The following PLEKHA7 variants were observed in gnomAD, a reference collection of about 807,000 sequenced individuals.
PLEKHA7 encodes the protein pleckstrin homology domain containing A7, also known as pleckstrin homology domain-containing family A member 7.
PLEKHA7 carries 104 observed loss-of-function variants against 170.0 expected under a neutral mutation model. That is an observed-to-expected ratio of 0.61 (90% CI 0.52 to 0.72). The LOEUF (loss-of-function observed/expected upper bound fraction) is 0.72, where lower values mean the gene tolerates loss of function less well. PLEKHA7 is among the 30% of genes least tolerant of loss of function. The pLI is 0.00. For synonymous variants in PLEKHA7, 648 were observed against 660.8 expected (o/e 0.98, Z 0.30); for missense variants, 1,615 against 1,671.7 (o/e 0.97, Z 0.59).
chr11:16,979,045 G>T (rs1380713798), intron 3 of PLEKHA7, among the ~76,000 whole-genome samples: 2 of 152,082 alleles, frequency 1.3e-5, no homozygotes, highest in Non-Finnish European at 2.9e-5. Flanking sequence ...TGTTGTTGTT[G>T]TTTTGTTTTT....
chr11:16,971,199 T>C (rs549783983), intron 3 of PLEKHA7, among the ~76,000 whole-genome samples: 1 of 152,326 alleles, frequency 6.6e-6, no homozygotes, highest in South Asian at 2.1e-4. Flanking sequence ...ACAAGTCAAT[T>C]TCTTCACCAA....
intron 6 of PLEKHA7, among the ~76,000 whole-genome samples, chr11:16,852,693 A>G (rs1853079046): frequency 6.6e-6 from 1 of 152,260 alleles, no homozygotes; most frequent in African/African-American, 2.4e-5. Flanking sequence ...TGGCTATGCT[A>G]TAAAATACCT....
Position 16,826,128 on chromosome 11 carries a change from A to G in PLEKHA7, c.1335T>C (p.Asp445=), listed in dbSNP as rs1850619538. The part of the protein sequence containing the change: ...VEHWARAQKG[D]SRSLPLDQTL... ...CTGAGTCTATTACTCACCTCCTGCT[A>G]TCCCCTTTCTGGGCCCTTGCCCAGT... The change falls in exon 10 of 27, where the codon GAT becomes GAC. Residue 445 remains aspartate, a synonymous_variant. Coordinates refer to ENST00000531066, the MANE Select transcript of PLEKHA7 (RefSeq NM_001329630.2). 1 of 1,613,786 alleles carries G rather than the reference A, an allele frequency of 6.2e-7. No homozygotes were observed.
At position 16,889,763 on chromosome 11, in the gene PLEKHA7, T is replaced by C. The variant is rs941215631; in HGVS notation, c.222-18581A>G. 2.6e-5 allele frequency among the ~76,000 whole-genome samples: 4 copies of C among 152,268 alleles called. 1 individual carries two copies. In the Middle Eastern group the frequency reaches 0.01, roughly 388 times the overall value. On this transcript the variant is annotated intron_variant, in intron 3 of 26. Transcript: ENST00000531066. ...TAATTCAAGAAAACTTCCCTGGTCA[T>C]GTTAGATGCCTAGACACCCAGATAC...
intron 3 of PLEKHA7, among the ~76,000 whole-genome samples, chr11:16,998,170 T>C (rs746226180): frequency 2.8e-4 from 42 of 152,170 alleles, no homozygotes; most frequent in Non-Finnish European, 5.3e-4. Context: ...ACAGTGTCAG[T>C]ACCAGATAAA....
chr11:16,877,975 T>C (rs1855430407), intron 3 of PLEKHA7, among the ~76,000 whole-genome samples: 1 of 152,222 alleles, frequency 6.6e-6, no homozygotes, highest in South Asian at 2.1e-4. Flanking sequence ...ACCTTGACTA[T>C]AGCAATGACT....
At chr11:16,910,963 G>A (rs1014930057) in intron 3 of PLEKHA7, among the ~76,000 whole-genome samples, 1 of 152,158 alleles carries the variant, frequency 6.6e-6, no homozygotes, top group Non-Finnish European at 1.5e-5. Flanking sequence ...CACATTTCCC[G>A]ACTGTAAAGC....
chr11:16,914,942 T>C (rs375317606), intron 3 of PLEKHA7, among the ~76,000 whole-genome samples: 1 of 152,192 alleles, frequency 6.6e-6, no homozygotes, highest in Non-Finnish European at 1.5e-5. Context: ...GGAGAAAACA[T>C]GATGCAGGCC....
At chr11:16,918,313 G>A (rs528473699) in intron 3 of PLEKHA7, among the ~76,000 whole-genome samples, 5 of 152,216 alleles carry the variant, frequency 3.3e-5, no homozygotes, top group East Asian at 1.9e-4. Context: ...ACCCAACCAC[G>A]TTCATTTCCA....
intron 3 of PLEKHA7, among the ~76,000 whole-genome samples, chr11:16,953,317 A>G (rs1861516916): frequency 1.3e-5 from 2 of 152,256 alleles, no homozygotes; most frequent in African/African-American, 2.4e-5. Flanking sequence ...CCAAACGAAC[A>G]TAAGAAATTT....
chr11:16,914,284 T>A (rs1858472822), intron 3 of PLEKHA7, among the ~76,000 whole-genome samples: 3 of 152,216 alleles, frequency 2.0e-5, no homozygotes, highest in African/African-American at 7.2e-5. Context: ...AGCACATTAT[T>A]TGAATAATTA....
intron 10 of PLEKHA7, among the ~76,000 whole-genome samples, chr11:16,823,777 T>C (rs986399714): frequency 6.6e-6 from 1 of 152,192 alleles, no homozygotes; most frequent in Non-Finnish European, 1.5e-5. Flanking sequence ...TCAGTAACCG[T>C]CCAGTTGCTC....
chr11:16,779,825 C>A (rs763457594), intron 26 of PLEKHA7, among the ~76,000 whole-genome samples: 1 of 152,160 alleles, frequency 6.6e-6, no homozygotes, highest in Non-Finnish European at 1.5e-5. Flanking sequence ...TAGAGCTGCT[C>A]GGGGCGGCCC....
At chr11:16,980,151 A>G (rs2136833210) in intron 3 of PLEKHA7, among the ~76,000 whole-genome samples, 1 of 152,362 alleles carries the variant, frequency 6.6e-6, no homozygotes, top group Middle Eastern at 3.4e-3. Flanking sequence ...TCAGTCCAGC[A>G]TTGAGCCTAG....
rs150897466 is a variant in PLEKHA7 at position 16,803,089 on chromosome 11, T to C, written c.2077-37A>G. 499 of 1,585,338 alleles carry C rather than the reference T, an allele frequency of 3.1e-4. 3 individuals carry two copies. In the Middle Eastern group the frequency reaches 6.0e-3, roughly 19 times the overall value. ...AACAGGTGGAGAGGGCCTGGGGTGATGAGAAAAGGACATGACCTTGGGATT... is the reference window on the plus strand; with the variant it reads ...AACAGGTGGAGAGGGCCTGGGGTGACGAGAAAAGGACATGACCTTGGGATT... On this transcript the variant is annotated intron_variant, in intron 14 of 26. Coordinates refer to ENST00000531066, the MANE Select transcript of PLEKHA7 (RefSeq NM_001329630.2).
chr11:16,837,332 T>C (rs1004355546), intron 9 of PLEKHA7, among the ~76,000 whole-genome samples: 2 of 152,212 alleles, frequency 1.3e-5, no homozygotes, highest in African/African-American at 4.8e-5. Flanking sequence ...TCTAGATTAA[T>C]CCTCAAGGGT....
intron 3 of PLEKHA7, among the ~76,000 whole-genome samples, chr11:16,942,662 A>G (rs1227076793): frequency 3.3e-5 from 5 of 152,252 alleles, no homozygotes. Context: ...AAGATTGTGA[A>G]TGGTGCTTTC....
chr11:16,914,967 T>C (rs1277322659), intron 3 of PLEKHA7, among the ~76,000 whole-genome samples: 1 of 152,178 alleles, frequency 6.6e-6, no homozygotes, highest in Non-Finnish European at 1.5e-5. Context: ...CTCTCTCTCC[T>C]AGACTTATAC....
intron 3 of PLEKHA7, among the ~76,000 whole-genome samples, chr11:17,007,730 C>T (rs1424772675): frequency 6.6e-6 from 1 of 152,014 alleles, no homozygotes; most frequent in African/African-American, 2.4e-5. Flanking sequence ...TGCACCATCA[C>T]ACCCGGCTAA....
Sources: allele counts gnomAD v4.1 joint callset (sites outside exome capture counted in the v4.1 genomes callset), GRCh38; gene constraint gnomAD v4.1.1; transcripts MANE v1.5; gene names NCBI Gene and HGNC (gene_info 2026-07-23, HGNC 2026-07-21).